Variants in ANK1 observed in about 807,000 individuals in gnomAD.
ANK1 encodes ankyrin-1.
Under a neutral mutation model 210.4 loss-of-function variants are expected in ANK1, and 51 were observed. That is an observed-to-expected ratio of 0.24 (90% confidence interval 0.19 to 0.31). ANK1 has a LOEUF of 0.31. Among genes scored for constraint, ANK1 ranks in the 10% least tolerant of loss-of-function variants. ANK1 has a pLI of 1.00. For missense variants in ANK1, 2,051 were observed against 2,504.4 expected (o/e 0.82, Z 3.86); for synonymous variants, 967 against 1,025.9 (o/e 0.94, Z 1.10).
At chr8:41,844,997 G>A (rs1281951360) in intron 1 of ANK1, among the ~76,000 whole-genome samples, 1 of 152,180 alleles carries the variant, frequency 6.6e-6, no homozygotes, top group Non-Finnish European at 1.5e-5. Context: ...ACGCGGAAAA[G>A]CTGCCTCTAC....
Position 41,814,084 on chromosome 8 carries a change from G to A in ANK1, c.127-55947C>T, listed in dbSNP as rs181677089. Among the ~76,000 whole-genome samples, 580 of 152,308 alleles carry A rather than the reference G, an allele frequency of 3.8e-3. 4 individuals are homozygous for A. Among genetic ancestry groups the A allele is most frequent in the African/African-American group, 0.013 (535 of 41,560 alleles). On this transcript the variant is annotated intron_variant, in intron 1 of 42. Coordinates refer to the ANK1 transcript ENST00000265709. ...CCATTTTAAAAAATTCATAGAGGCC[G>A]GGCGTGGCGGCTCATGCCTGTAATC...
At chr8:41,776,368 G>A (rs1440110204) in intron 1 of ANK1, among the ~76,000 whole-genome samples, 1 of 152,090 alleles carries the variant, frequency 6.6e-6, no homozygotes, top group Non-Finnish European at 1.5e-5. Flanking sequence ...GCGGGGATCT[G>A]TCCTTTCCAA....
chr8:41,780,213 AT>A (rs559427583), intron 1 of ANK1, among the ~76,000 whole-genome samples: 4 of 151,998 alleles, frequency 2.6e-5, no homozygotes, highest in African/African-American at 7.2e-5. Flanking sequence ...TTCTTTTAGA[AT>A]TTTTTTTAGA....
At chr8:41,820,327 A>ATGTGTGTG (rs56359274) in intron 1 of ANK1, among the ~76,000 whole-genome samples, 3 of 142,842 alleles carry the variant, frequency 2.1e-5, no homozygotes, top group African/African-American at 8.0e-5. Context: ...ACCAAGCTAA[A>ATGTGTGTG]TGTGTGTGTG....
At chr8:41,890,229 TGAGGCTG>T (rs1400996663) in intron 1 of ANK1, among the ~76,000 whole-genome samples, 14 of 152,366 alleles carry the variant, frequency 9.2e-5, no homozygotes, top group African/African-American at 3.4e-4. Flanking sequence ...ATGAGAAAAC[TGAGGCTG>T]GAGGAAATTC....
chr8:41,828,304 G>C (rs1474719307), intron 1 of ANK1: 1 of 154,536 alleles, frequency 6.5e-6, no homozygotes, highest in African/African-American at 2.4e-5. Context: ...CCAAGCAGCC[G>C]CCCTGGGCCG....
chr8:41,833,099 G>A (rs973184284), intron 1 of ANK1, among the ~76,000 whole-genome samples: 2 of 152,224 alleles, frequency 1.3e-5, no homozygotes, highest in African/African-American at 4.8e-5. Context: ...GGTGGCGTGG[G>A]AGGGAAAGGC....
chr8:41,864,038 A>G (rs1435433014), intron 1 of ANK1, among the ~76,000 whole-genome samples: 1 of 152,046 alleles, frequency 6.6e-6, no homozygotes, highest in Admixed American at 6.6e-5. Flanking sequence ...AGGTCAGGAG[A>G]TCGAGATCCA....
chr8:41,861,514 A>G (rs1253909055), intron 1 of ANK1, among the ~76,000 whole-genome samples: 4 of 152,234 alleles, frequency 2.6e-5, no homozygotes, highest in African/African-American at 7.2e-5. Flanking sequence ...CTTTGGGTCC[A>G]CCACTTCAGA....
At chr8:41,845,862 G>C (rs1300885759) in intron 1 of ANK1, among the ~76,000 whole-genome samples, 2 of 152,114 alleles carry the variant, frequency 1.3e-5, no homozygotes, top group Non-Finnish European at 2.9e-5. Context: ...GTACATGCGG[G>C]TGCATGTTTT....
intron 1 of ANK1, among the ~76,000 whole-genome samples, chr8:41,857,817 TCACTTGAAC>T (rs1812492368): frequency 1.3e-5 from 2 of 151,468 alleles, no homozygotes; most frequent in Non-Finnish European, 2.9e-5. Context: ...GGCAGGAGAA[TCACTTGAAC>T]CCGCAAGGTG....
At chr8:41,819,754 A>G (rs1803896681) in intron 1 of ANK1, among the ~76,000 whole-genome samples, 1 of 152,198 alleles carries the variant, frequency 6.6e-6, no homozygotes, top group African/African-American at 2.4e-5. Context: ...CTCCTGACAC[A>G]AGCTGACACA....
At chr8:41,740,034 T>C (rs1292651175) in intron 2 of ANK1, among the ~76,000 whole-genome samples, 4 of 152,150 alleles carry the variant, frequency 2.6e-5, no homozygotes, top group African/African-American at 9.7e-5. Flanking sequence ...TTCTTTTCCA[T>C]GTTTAGCAAT....
intron 17 of ANK1, among the ~76,000 whole-genome samples, chr8:41,708,083 A>G (rs1050579618): frequency 6.6e-6 from 1 of 152,208 alleles, no homozygotes; most frequent in African/African-American, 2.4e-5. Flanking sequence ...AAAGTGTTCT[A>G]GAGTTAGATC....
At chr8:41,733,245 C>T (rs1424840549) in intron 3 of ANK1, among the ~76,000 whole-genome samples, 1 of 152,168 alleles carries the variant, frequency 6.6e-6, no homozygotes, top group Non-Finnish European at 1.5e-5. Flanking sequence ...TGCCAAACGC[C>T]TCCTCATGAA....
chr8:41,875,543 C>G (rs772458673), intron 1 of ANK1, among the ~76,000 whole-genome samples: 2 of 152,246 alleles, frequency 1.3e-5, no homozygotes, highest in African/African-American at 2.4e-5. Flanking sequence ...CAGCCCAACT[C>G]CAATACCAAG....
intron 20 of ANK1, among the ~76,000 whole-genome samples, chr8:41,703,167 G>A (rs1395760626): frequency 6.6e-6 from 1 of 151,744 alleles, no homozygotes; most frequent in Non-Finnish European, 1.5e-5. Flanking sequence ...AAGCAGACAC[G>A]GAGATAATTT....
chr8:41,675,975 C>T (rs1814029597), intron 37 of ANK1, among the ~76,000 whole-genome samples: 1 of 152,180 alleles, frequency 6.6e-6, no homozygotes, highest in Non-Finnish European at 1.5e-5. Context: ...TAAGCCATAG[C>T]CCTTTGGAAG....
rs147457394 is a variant in ANK1, at chr8:41,675,648, G to A, written c.4538-2736C>T. Among the ~76,000 whole-genome samples the A allele has an allele frequency of 5.3e-5, 8 of 152,162 alleles. No homozygotes were observed. The South Asian group carries it at 1.0e-3, about 20-fold the overall frequency. On this transcript the variant is annotated intron_variant, in intron 37 of 42. Coordinates refer to ENST00000289734, the MANE Select transcript of ANK1 (RefSeq NM_000037.4). ...TCTTTAAAAGGGGGTAAATTGATAC[G>A]TTGTGACACATGTGTACCCCCATGA...
Sources: gnomAD v4.1 joint callset for allele counts (sites outside exome capture counted in the v4.1 genomes callset) on GRCh38, gnomAD v4.1.1 for gene constraint, MANE v1.5 for transcripts, NCBI Gene and HGNC (gene_info 2026-07-23, HGNC 2026-07-21) for gene names.